The following CCDC38 variants were observed in gnomAD, a reference collection of about 807,000 sequenced individuals.
CCDC38 encodes coiled-coil domain containing 38, also known as coiled-coil domain-containing protein 38.
In CCDC38, 69 loss-of-function variants were observed where a neutral mutation model predicts 72.8. The ratio of observed to expected loss-of-function variants is 0.95; its 90% CI spans 0.78 to 1.16. The LOEUF (loss-of-function observed/expected upper bound fraction) is 1.16. Among genes scored for constraint, CCDC38 ranks in the 50% most tolerant of loss-of-function variants. CCDC38 has a pLI of 0.00. For missense variants in CCDC38, 626 were observed against 638.9 expected (o/e 0.98, Z 0.22); for synonymous variants, 201 against 213.2 (o/e 0.94, Z 0.50).
chr12:95,871,577 ATGCACAGATCTCCTTTG>A (rs2079580734), intron 14 of CCDC38, among the ~76,000 whole-genome samples: 1 of 152,134 alleles, frequency 6.6e-6, no homozygotes, highest in Non-Finnish European at 1.5e-5. Context: ...ACCGCCCTCA[ATGCACAGATCTCCTTTG>A]AAGGGCACCA....
chr12:95,879,884 GGAA>G lies in CCDC38; in HGVS notation c.991-92_991-90del. The G allele has an allele frequency of 2.0e-6, 2 of 993,740 alleles. No individual in the cohort carries two copies. Among genetic ancestry groups the G allele is most frequent in the Non-Finnish European group, 2.9e-6 (2 of 681,060 alleles). 61.6% of individuals were successfully genotyped at this position (993,740 alleles called of 1,614,324 possible). A position where few individuals can be genotyped will look rare whatever the true frequency, so the allele number is the denominator to read the frequency against. On this transcript the variant is annotated intron_variant, in intron 11 of 15. Coordinates refer to ENST00000344280, the MANE Select transcript of CCDC38 (RefSeq NM_182496.3). The surrounding 1 kb of genome is among the most constrained non-coding windows in gnomAD (Gnocchi z 5.5). ...TATCTAGAAAATACAGTGGGGTAAA[GGAA>G]GACAGTTCTAAGGATGAGGGAGACA...
intron 4 of CCDC38, among the ~76,000 whole-genome samples, chr12:95,906,968 C>A (rs1217522410): frequency 6.6e-6 from 1 of 151,028 alleles, no homozygotes; most frequent in African/African-American, 2.4e-5. Flanking sequence ...GAGGACCCTG[C>A]GGCCTTCCGC....
At chr12:95,936,072 C>G (rs534910139) in intron 2 of CCDC38, among the ~76,000 whole-genome samples, 2 of 150,650 alleles carry the variant, frequency 1.3e-5, no homozygotes, top group Admixed American at 6.6e-5. Context: ...GAACGAAATT[C>G]CATCTCAAAA....
At chr12:95,873,265 C>G (rs2079601086) in intron 13 of CCDC38, among the ~76,000 whole-genome samples, 1 of 152,190 alleles carries the variant, frequency 6.6e-6, no homozygotes, top group South Asian at 2.1e-4. Flanking sequence ...ACATCTTATG[C>G]TTAAACTTAC....
At chr12:95,868,472 T>G (rs1338281866) in intron 15 of CCDC38, among the ~76,000 whole-genome samples, 5 of 152,188 alleles carry the variant, frequency 3.3e-5, no homozygotes, top group Non-Finnish European at 7.3e-5. Context: ...AATACCTTTT[T>G]TAAGATGAAG....
chr12:95,877,565 G>A (rs1409592393), intron 13 of CCDC38, among the ~76,000 whole-genome samples: 3 of 152,156 alleles, frequency 2.0e-5, no homozygotes, highest in African/African-American at 7.2e-5. Context: ...GTTAGATGGA[G>A]CTGGTTGTGG....
intron 2 of CCDC38, 119 bp from the exon 3 acceptor site, chr12:95,919,095 A>C (rs1284007107): frequency 1.5e-6 from 1 of 651,486 alleles, no homozygotes; most frequent in African/African-American, 1.8e-5. Flanking sequence ...CTGAGAAGGT[A>C]GTGTTAAAAG....
intron 8 of CCDC38, among the ~76,000 whole-genome samples, chr12:95,892,081 CTTTTT>C (rs67478657): frequency 1.0e-5 from 1 of 97,996 alleles, no homozygotes; most frequent in Non-Finnish European, 1.9e-5. Flanking sequence ...GATCACTCTG[CTTTTT>C]TTTTTTTTTT....
At chr12:95,937,186 T>C (rs1056740529) in intron 1 of CCDC38, among the ~76,000 whole-genome samples, 1 of 152,210 alleles carries the variant, frequency 6.6e-6, no homozygotes, top group African/African-American at 2.4e-5. Context: ...GAACAAAATA[T>C]CAAAATTGTA....
At chr12:95,916,907 C>T (rs1444805506) in intron 4 of CCDC38, among the ~76,000 whole-genome samples, 1 of 152,068 alleles carries the variant, frequency 6.6e-6, no homozygotes, top group Admixed American at 6.6e-5. Flanking sequence ...TAACTGTCCT[C>T]CTGGGAGGAC....
intron 4 of CCDC38, among the ~76,000 whole-genome samples, chr12:95,909,491 A>T (rs2080067225): frequency 6.6e-6 from 1 of 152,190 alleles, no homozygotes; most frequent in Non-Finnish European, 1.5e-5. Context: ...GGCTAGTACC[A>T]ATCCTACTGA....
At position 95,899,687 on chromosome 12, in the gene CCDC38, G is replaced by C. The variant is rs371236124; in HGVS notation, c.370-956C>G. On this transcript the variant is annotated intron_variant, in intron 5 of 15. Transcript: ENST00000344280. ...ATAAATGAATTGAAAATATGGAAAT[G>C]AGATGATTTTAAAGAGATAACAACC... Among the ~76,000 whole-genome samples the C allele has an allele frequency of 3.3e-4, 50 of 152,266 alleles. No homozygotes were observed. The South Asian group carries it at 9.5e-3, about 29-fold the overall frequency.
chr12:95,913,492 A>T (rs947825405), intron 4 of CCDC38, among the ~76,000 whole-genome samples: 1 of 152,182 alleles, frequency 6.6e-6, no homozygotes, highest in Non-Finnish European at 1.5e-5. Context: ...AACATCCTAG[A>T]CAGGAAATAT....
intron 2 of CCDC38, chr12:95,919,780 G>A (rs1449906420): frequency 2.8e-6 from 1 of 356,832 alleles, no homozygotes; most frequent in Non-Finnish European, 5.6e-6. Context: ...ACTACCCTTA[G>A]GGAGAGCCTC....
At chr12:95,906,601 C>T (rs1018110165) in intron 4 of CCDC38, 150 bp from the exon 5 acceptor site, 26 of 590,066 alleles carry the variant, frequency 4.4e-5, no homozygotes, top group Non-Finnish European at 7.1e-5. Flanking sequence ...CCTAGCCACT[C>T]AAACTAATTT....
chr12:95,927,194 G>A (rs529465755), intron 2 of CCDC38, among the ~76,000 whole-genome samples: 48 of 152,044 alleles, frequency 3.2e-4, no homozygotes, highest in Middle Eastern at 3.4e-3. Context: ...TTTCTAGGTC[G>A]CTCAGGACTT....
chr12:95,910,014 G>C (rs1031295422), intron 4 of CCDC38, among the ~76,000 whole-genome samples: 3 of 152,104 alleles, frequency 2.0e-5, no homozygotes, highest in Non-Finnish European at 2.9e-5. Context: ...TGCACTCTCA[G>C]CATTCCTAGT....
At chr12:95,894,173 T>C (rs1459339119) in intron 8 of CCDC38, among the ~76,000 whole-genome samples, 1 of 152,030 alleles carries the variant, frequency 6.6e-6, no homozygotes, top group Non-Finnish European at 1.5e-5. Flanking sequence ...GAGCTGAGAT[T>C]GTGCCATTGG....
intron 13 of CCDC38, among the ~76,000 whole-genome samples, chr12:95,877,654 G>T (rs962425591): frequency 1.3e-5 from 2 of 152,152 alleles, no homozygotes; most frequent in African/African-American, 4.8e-5. Context: ...ACTGAATGAA[G>T]AATAATAAGT....
Sources: gnomAD v4.1 joint callset for allele counts (sites outside exome capture counted in the v4.1 genomes callset) on GRCh38, gnomAD v4.1.1 for gene constraint, Gnocchi (gnomAD v3.1) non-coding constraint, MANE v1.5 for transcripts, NCBI Gene and HGNC (gene_info 2026-07-23, HGNC 2026-07-21) for gene names.